CNST: variants seen among roughly 807,000 people sequenced by gnomAD.
CNST encodes consortin.
In CNST, 39 loss-of-function variants were observed where a neutral mutation model predicts 72.4. The observed-to-expected ratio is 0.54, with a 90% CI of 0.42 to 0.70. The LOEUF (loss-of-function observed/expected upper bound fraction) is 0.70. CNST is among the 30% of genes least tolerant of loss of function. CNST has a pLI of 0.00. For missense variants in CNST, 871 were observed against 868.5 expected, an observed-to-expected ratio of 1.00 and a Z score of -0.04; for synonymous variants, 332 against 320.1, an observed-to-expected ratio of 1.04 and a Z score of -0.40.
chr1:246,652,769 C>T (rs554842054), intron 9 of CNST, among the ~76,000 whole-genome samples: 2 of 143,578 alleles, frequency 1.4e-5, no homozygotes, highest in South Asian at 2.3e-4. Flanking sequence ...CTTTGGGAGG[C>T]CAAGGCGGGC....
intron 8 of CNST, among the ~76,000 whole-genome samples, chr1:246,645,974 CTTTGCTACCT>C (rs1292919462): frequency 6.6e-6 from 1 of 152,044 alleles, no homozygotes; most frequent in Admixed American, 6.5e-5. Context: ...TATTGCTACC[CTTTGCTACCT>C]CCCTTTAAGA....
At chr1:246,660,939 T>C (rs1364194177) in intron 10 of CNST, among the ~76,000 whole-genome samples, 2 of 152,028 alleles carry the variant, frequency 1.3e-5, no homozygotes, top group Admixed American at 6.6e-5. Context: ...TTTAGTACTT[T>C]TTGTGTGAGT....
chr1:246,647,696 G>A lies in CNST; in HGVS notation c.1495G>A (p.Ala499Thr). 1 of 1,614,152 alleles carries A rather than the reference G, an allele frequency of 6.2e-7. No homozygotes were observed. The highest frequency in any genetic ancestry group is 8.5e-7 in the Non-Finnish European group (1 of 1,180,030). Reference sequence around the variant, plus strand: ...AGACAGTGATGGAAAATCACCACAGGCGCAGGCTGACTCAGACGGTTCTGA... The same window carrying A: ...AGACAGTGATGGAAAATCACCACAGACGCAGGCTGACTCAGACGGTTCTGA... ...LTDSDGKSPQ[A>T]QADSDGSENV... Residue 499 changes from alanine to threonine, a missense_variant, in exon 9 of 11, where the codon GCG (alanine) becomes ACG (threonine). Ala to Thr is a moderately conservative substitution (Grantham distance 58). Transcript: ENST00000366513.
At chr1:246,601,566 G>A (rs952221929) in intron 2 of CNST, among the ~76,000 whole-genome samples, 12 of 152,178 alleles carry the variant, frequency 7.9e-5, no homozygotes, top group African/African-American at 2.9e-4. Flanking sequence ...AGGCTGAGGC[G>A]GGTGAATCAC....
intron 1 of CNST, among the ~76,000 whole-genome samples, chr1:246,585,428 C>T (rs982485988): frequency 5.3e-5 from 8 of 152,102 alleles, no homozygotes; most frequent in African/African-American, 1.9e-4. Context: ...GGGCAAATCA[C>T]TTGAGGTCAG....
chr1:246,609,441 G>A (rs555325360), intron 2 of CNST, among the ~76,000 whole-genome samples: 9 of 152,318 alleles, frequency 5.9e-5, no homozygotes, highest in African/African-American at 1.9e-4. Context: ...TATGGGCATG[G>A]TGGTGGGCGC....
intron 3 of CNST, among the ~76,000 whole-genome samples, chr1:246,627,040 C>G (rs1418298930): frequency 1.2e-4 from 18 of 152,190 alleles, no homozygotes; most frequent in Non-Finnish European, 1.5e-5. Flanking sequence ...TTACCTCTTT[C>G]ACTGCTACCA....
chr1:246,663,113 C>T (rs370351738), intron 10 of CNST, among the ~76,000 whole-genome samples: 4 of 152,040 alleles, frequency 2.6e-5, no homozygotes, highest in East Asian at 3.9e-4. Flanking sequence ...GAAGCCTCCT[C>T]CCAAGTCTTC....
chr1:246,642,132 G>GTTTTTTTTTTTTTTTTT lies in CNST; in HGVS notation c.937+95_937+96insTTTTTTTTTTTTTTTTT, dbSNP rs1491252940. 1.6e-3 allele frequency: 320 copies of GTTTTTTTTTTTTTTTTT among 198,308 alleles called. 69 individuals carry two copies. Among genetic ancestry groups the GTTTTTTTTTTTTTTTTT allele is most frequent in the African/African-American group, 0.015 (291 of 18,796 alleles). The allele number at this position is 198,308 out of a possible 1,614,324, so 12.3% of individuals were successfully genotyped here. On this transcript the variant is annotated intron_variant, in intron 8 of 10. Transcript: ENST00000366513. ...ACATCTGAATTGCTGCAAAGGATCT[G>GTTTTTTTTTTTTTTTTT]GTTTTTTTTTTTTTTTTTTTTTGCA...
chr1:246,599,047 A>G (rs762059988), intron 2 of CNST, among the ~76,000 whole-genome samples: 1 of 152,176 alleles, frequency 6.6e-6, no homozygotes, highest in Non-Finnish European at 1.5e-5. Context: ...GGATTGATCA[A>G]TGAAGGCAGG....
At chr1:246,568,587 C>T (rs1349962092) in intron 1 of CNST, among the ~76,000 whole-genome samples, 1 of 152,002 alleles carries the variant, frequency 6.6e-6, no homozygotes, top group African/African-American at 2.4e-5. Context: ...GCTGTTTTTG[C>T]CTTTTTGAAG....
chr1:246,643,613 C>G (rs970225952), intron 8 of CNST, among the ~76,000 whole-genome samples: 3 of 152,180 alleles, frequency 2.0e-5, no homozygotes, highest in Admixed American at 6.5e-5. Context: ...GAACCTGGGT[C>G]TTCCCATTTC....
intron 6 of CNST, among the ~76,000 whole-genome samples, chr1:246,640,530 A>G (rs532668124): frequency 6.6e-6 from 1 of 152,324 alleles, no homozygotes; most frequent in Admixed American, 6.5e-5. Context: ...TCTGAAGACA[A>G]AGGGAGACAA....
chr1:246,572,683 G>A (rs1448920971), intron 1 of CNST, among the ~76,000 whole-genome samples: 1 of 152,124 alleles, frequency 6.6e-6, no homozygotes, highest in Admixed American at 6.6e-5. Context: ...ATAATAAATA[G>A]TGGAGTTATT....
intron 3 of CNST, among the ~76,000 whole-genome samples, chr1:246,627,394 G>C (rs1664507013): frequency 2.6e-5 from 4 of 152,150 alleles, no homozygotes. Context: ...ATATACCAAG[G>C]ATGTTCCCAC....
intron 9 of CNST, among the ~76,000 whole-genome samples, chr1:246,653,388 G>T (rs1666597120): frequency 6.6e-6 from 1 of 152,204 alleles, no homozygotes. Flanking sequence ...AAATCACATT[G>T]GTAGCTGCTC....
chr1:246,566,748 C>A (rs1055138120), intron 1 of CNST, 85 bp downstream of exon 1: 5 of 399,276 alleles, frequency 1.3e-5, no homozygotes, highest in African/African-American at 2.1e-5. Context: ...CGCTCCTCCC[C>A]CTGCGCTGTC....
chr1:246,590,686 T>C (rs911224157), intron 1 of CNST, among the ~76,000 whole-genome samples: 1 of 152,152 alleles, frequency 6.6e-6, no homozygotes, highest in Non-Finnish European at 1.5e-5. Context: ...CTTTCATACC[T>C]ATCATTTTTC....
intron 10 of CNST, among the ~76,000 whole-genome samples, chr1:246,663,336 T>TAAAAAAGAAA (rs1667214582): frequency 8.6e-6 from 1 of 116,542 alleles, no homozygotes. Context: ...ACCCTATGTC[T>TAAAAAAGAAA]AAAAAAAAAA....
Sources: gnomAD v4.1 joint callset for allele counts (sites outside exome capture counted in the v4.1 genomes callset) on GRCh38, gnomAD v4.1.1 for gene constraint, MANE v1.5 for transcripts, NCBI Gene and HGNC (gene_info 2026-07-23, HGNC 2026-07-21) for gene names.